The following ANO5 variants were observed in gnomAD, a reference collection of about 807,000 sequenced individuals.
ANO5 encodes anoctamin 5.
ANO5 carries 109 observed loss-of-function variants against 121.0 expected under a neutral mutation model. That is an observed-to-expected ratio of 0.90 (90% CI 0.77 to 1.06). The LOEUF (loss-of-function observed/expected upper bound fraction) is 1.06. Ranked by LOEUF, ANO5 falls within the 50% of genes least tolerant of loss-of-function variation. The pLI is 0.00. For missense variants in ANO5, 1,064 were observed against 1,078.5 expected, an observed-to-expected ratio of 0.99 and a Z score of 0.19; for synonymous variants, 406 against 359.9, an observed-to-expected ratio of 1.13 and a Z score of -1.45.
chr11:22,215,627 A>G (rs1490598506), intron 3 of ANO5, among the ~76,000 whole-genome samples: 1 of 151,980 alleles, frequency 6.6e-6, no homozygotes, highest in Non-Finnish European at 1.5e-5. Context: ...AGTCTTTCGC[A>G]TCTCAACAAC....
intron 1 of ANO5, among the ~76,000 whole-genome samples, chr11:22,202,470 TG>T (rs962402007): frequency 5.5e-4 from 82 of 148,838 alleles, no homozygotes; most frequent in African/African-American, 1.9e-3. Context: ...AATTTTTTTT[TG>T]ACTTATACAA....
chr11:22,280,209 T>A lies in ANO5; in HGVS notation c.*444T>A, dbSNP rs1017052598. 2 of 180,434 alleles carry A rather than the reference T, an allele frequency of 1.1e-5. No individual in the cohort carries two copies. The highest frequency in any genetic ancestry group is 4.8e-5 in the African/African-American group (2 of 41,628). The allele number at this position is 180,434 out of a possible 1,614,324, so 11.2% of individuals were successfully genotyped here. A position where few individuals can be genotyped will look rare whatever the true frequency, so the allele number is the denominator to read the frequency against. On this transcript the variant is annotated 3_prime_UTR_variant, in exon 22 of 22. Coordinates refer to ENST00000324559, the MANE Select transcript of ANO5 (RefSeq NM_213599.3). ...AAAGAAATGGATCAAAGAGACTGAC[T>A]GAGCCCTATATATCCTATCATTTTA... is the stretch of plus-strand genomic sequence containing the variant.
chr11:22,274,859 A>C, intron 20 of ANO5, 112 bp downstream of exon 20: 1 of 1,321,136 alleles, frequency 7.6e-7, no homozygotes. Flanking sequence ...AGGGCAACAA[A>C]AATCCTGTAT....
chr11:22,242,256 C>A (rs1177768893), intron 9 of ANO5, among the ~76,000 whole-genome samples: 1 of 151,962 alleles, frequency 6.6e-6, no homozygotes, highest in Admixed American at 6.6e-5. Context: ...TGTGTCTTAC[C>A]AGTACCATGC....
chr11:22,276,577 C>G (rs1299715961), intron 21 of ANO5, among the ~76,000 whole-genome samples: 1 of 151,718 alleles, frequency 6.6e-6, no homozygotes, highest in Non-Finnish European at 1.5e-5. Flanking sequence ...GAAAAGGAAT[C>G]TGAGATTCAG....
chr11:22,278,040 T>G (rs956595335), intron 21 of ANO5: 1 of 151,734 alleles, frequency 6.6e-6, no homozygotes, highest in African/African-American at 2.4e-5. Flanking sequence ...CTTAAAAAAA[T>G]TTTTAATCAA....
intron 1 of ANO5, among the ~76,000 whole-genome samples, chr11:22,199,932 T>G (rs2133501346): frequency 6.6e-6 from 1 of 152,280 alleles, no homozygotes; most frequent in South Asian, 2.1e-4. Flanking sequence ...ACCATTGAAA[T>G]GAACTTTTAT....
chr11:22,211,398 C>T, intron 3 of ANO5, 84 bp downstream of exon 3: 1 of 1,422,224 alleles, frequency 7.0e-7, no homozygotes, highest in Non-Finnish European at 9.9e-7. Flanking sequence ...TACTCTTTTC[C>T]AGTTCAGTTA....
chr11:22,195,871 A>G (rs1851795790), intron 1 of ANO5, among the ~76,000 whole-genome samples: 1 of 152,172 alleles, frequency 6.6e-6, no homozygotes, highest in African/African-American at 2.4e-5. Flanking sequence ...GGGACTAATT[A>G]CTGCATTCTG....
chr11:22,252,120 C>T (rs1027061692), intron 12 of ANO5, among the ~76,000 whole-genome samples: 8 of 146,628 alleles, frequency 5.5e-5, no homozygotes, highest in Admixed American at 6.8e-5. Flanking sequence ...GTTTGCAAAG[C>T]GGAGGGATTT....
rs77034464 is a variant in ANO5, at chr11:22,224,558, C to G, written c.295-1426C>G. Among the ~76,000 whole-genome samples, 80 of 152,148 alleles carry G rather than the reference C, an allele frequency of 5.3e-4. 1 individual carries two copies. The East Asian group carries it at 9.5e-3, about 18-fold the overall frequency. On this transcript the variant is annotated intron_variant, in intron 5 of 21. Transcript: ENST00000324559. Reference sequence around the variant, plus strand: ...AATGATACCAGATCCATAGTTCTTACCATACAAAAGATCAAATCAAAGTGG... The same window carrying G: ...AATGATACCAGATCCATAGTTCTTAGCATACAAAAGATCAAATCAAAGTGG...
At chr11:22,230,695 A>C (rs1269103869) in intron 7 of ANO5, among the ~76,000 whole-genome samples, 3 of 152,016 alleles carry the variant, frequency 2.0e-5, no homozygotes, top group African/African-American at 7.2e-5. Flanking sequence ...ACCAAAAAGC[A>C]GACAGACAAA....
At position 22,277,619 on chromosome 11, in the gene ANO5, ACTTTT is replaced by A. The variant is rs199942553; in HGVS notation, c.2520+1428_2520+1432del. Among the ~76,000 whole-genome samples, 58 of 151,530 alleles carry A rather than the reference ACTTTT, an allele frequency of 3.8e-4. No individual in the cohort carries two copies. In the East Asian group the frequency reaches 9.7e-3, roughly 25 times the overall value. ...AACATATTTCTTTTATTATAATTGT[ACTTTT>A]CTTTTCTCCCTCTGTCTCTTAGTTC... is the stretch of plus-strand genomic sequence containing the variant. On this transcript the variant is annotated intron_variant, in intron 21 of 21. Transcript: ENST00000324559.
At chr11:22,206,768 A>C (rs1852134996) in intron 2 of ANO5, among the ~76,000 whole-genome samples, 1 of 152,138 alleles carries the variant, frequency 6.6e-6, no homozygotes, top group Admixed American at 6.6e-5. Context: ...GAGAGGAACT[A>C]TTTTAACCTG....
At chr11:22,213,291 G>C (rs1852339146) in intron 3 of ANO5, among the ~76,000 whole-genome samples, 2 of 151,734 alleles carry the variant, frequency 1.3e-5, no homozygotes, top group Admixed American at 6.6e-5. Context: ...TCTCATTGAG[G>C]ATGCAGCATT....
chr11:22,256,954 T>C (rs1329860014), intron 13 of ANO5, among the ~76,000 whole-genome samples: 1 of 152,168 alleles, frequency 6.6e-6, no homozygotes, highest in Non-Finnish European at 1.5e-5. Context: ...TGTGTAGGAC[T>C]CTTGGACAGC....
Position 22,265,350 on chromosome 11 carries a change from C to G in ANO5, c.1898+2307C>G, listed in dbSNP as rs563885698. Among the ~76,000 whole-genome samples, 3 of 152,126 alleles carry G rather than the reference C, an allele frequency of 2.0e-5. No individual in the cohort carries two copies. The East Asian group carries it at 5.8e-4, about 29-fold the overall frequency. On this transcript the variant is annotated intron_variant, in intron 17 of 21. Coordinates refer to ENST00000324559, the MANE Select transcript of ANO5 (RefSeq NM_213599.3). ...AGTGTTCCCCTTTCATTTCTAGAAC[C>G]AGGTTAACTATTATTTAAAGTGCTG... is the stretch of plus-strand genomic sequence containing the variant.
At chr11:22,219,436 A>G (rs1212338239) in intron 4 of ANO5, among the ~76,000 whole-genome samples, 1 of 152,094 alleles carries the variant, frequency 6.6e-6, no homozygotes, top group Non-Finnish European at 1.5e-5. Context: ...GATTTAGCTT[A>G]TGTAAACAAT....
At chr11:22,264,369 A>T (rs1481680817) in intron 17 of ANO5, among the ~76,000 whole-genome samples, 2 of 151,936 alleles carry the variant, frequency 1.3e-5, no homozygotes, top group African/African-American at 4.8e-5. Context: ...GAGAACCCAG[A>T]GGACTGAATG....
Sources: gnomAD v4.1 joint callset for allele counts (sites outside exome capture counted in the v4.1 genomes callset) on GRCh38, gnomAD v4.1.1 for gene constraint, MANE v1.5 for transcripts, NCBI Gene and HGNC (gene_info 2026-07-23, HGNC 2026-07-21) for gene names.